The following MAPKAPK5 variants were observed in gnomAD, a reference collection of about 807,000 sequenced individuals.
MAPKAPK5 encodes the protein MAPK activated protein kinase 5.
A neutral mutation model predicts 65.1 loss-of-function variants in MAPKAPK5; 30 were observed. That is an observed-to-expected ratio of 0.46 (90% CI 0.34 to 0.63). The LOEUF (loss-of-function observed/expected upper bound fraction) is 0.63, where lower values mean the gene tolerates loss of function less well. Ranked by LOEUF, MAPKAPK5 falls within the 20% of genes least tolerant of loss-of-function variation. MAPKAPK5 has a pLI of 0.01. For synonymous variants in MAPKAPK5, 179 were observed against 204.6 expected, an observed-to-expected ratio of 0.87 and a Z score of 1.07; for missense variants, 433 against 581.4, an observed-to-expected ratio of 0.74 and a Z score of 2.63.
Position 111,902,071 on chromosome 12 carries a change from C to T in MAPKAPK5, c.*9010C>T, listed in dbSNP as rs1043400137. 3 of 152,396 alleles carry T rather than the reference C, an allele frequency of 2.0e-5. No homozygotes were observed. Among genetic ancestry groups the T allele is most frequent in the Non-Finnish European group, 4.4e-5 (3 of 68,120 alleles). The allele number at this position is 152,396 out of a possible 1,614,324, so 9.4% of individuals were successfully genotyped here. A position where few individuals can be genotyped will look rare whatever the true frequency, so the allele number is the denominator to read the frequency against. ...CATATGTACCTGAATTTATTACTAA[C>T]TCTGGGATTTTCATTTTAAGTAACA... On this transcript the variant is annotated 3_prime_UTR_variant, in exon 14 of 14. Coordinates refer to ENST00000550735, the MANE Select transcript of MAPKAPK5 (RefSeq NM_003668.4).
At position 111,898,287 on chromosome 12, in the gene MAPKAPK5, C is replaced by T. The variant is rs775676754; in HGVS notation, c.*5226C>T. Reference sequence around the variant, plus strand: ...GGGTTCAAGCGATTCTCCTGCCTCACCTTCCTGAGTAGCTGAGATTACAGG... The same window carrying T: ...GGGTTCAAGCGATTCTCCTGCCTCATCTTCCTGAGTAGCTGAGATTACAGG... On this transcript the variant is annotated 3_prime_UTR_variant, in exon 14 of 14. Coordinates refer to ENST00000550735, the MANE Select transcript of MAPKAPK5 (RefSeq NM_003668.4). 1 of 151,904 alleles carries T rather than the reference C, an allele frequency of 6.6e-6. No individual in the cohort carries two copies. Among genetic ancestry groups the T allele is most frequent in the Non-Finnish European group, 1.5e-5 (1 of 68,040 alleles). 9.4% of individuals were successfully genotyped at this position (151,904 alleles called of 1,614,324 possible).
intron 1 of MAPKAPK5, among the ~76,000 whole-genome samples, chr12:111,851,500 A>G (rs936952262): frequency 6.6e-6 from 1 of 151,328 alleles, no homozygotes. Context: ...TAATTTTTGT[A>G]TTTTTAGGAG....
chr12:111,846,439 C>G (rs192897020), intron 1 of MAPKAPK5, among the ~76,000 whole-genome samples: 61 of 152,120 alleles, frequency 4.0e-4, no homozygotes, highest in African/African-American at 1.3e-3. Context: ...ATATGGTCAA[C>G]TGCAGTCTGA....
rs1238464919 is a variant in MAPKAPK5 at position 111,842,632 on chromosome 12, G to A, written c.-102G>A. Reference sequence around the variant, plus strand: ...GGGCGGCTGCTGCCCGTCGCCACGAGGCCCAGGGGCCCGAGTGCCGAGCCC... The same window carrying A: ...GGGCGGCTGCTGCCCGTCGCCACGAAGCCCAGGGGCCCGAGTGCCGAGCCC... On this transcript the variant is annotated 5_prime_UTR_variant, in exon 1 of 14. Transcript: ENST00000550735. The A allele has an allele frequency of 2.1e-5, 17 of 812,702 alleles. No individual in the cohort carries two copies. The highest frequency in any genetic ancestry group is 2.5e-5 in the Non-Finnish European group (15 of 588,894). 50.3% of individuals were successfully genotyped at this position (812,702 alleles called of 1,614,324 possible).
chr12:111,854,328 G>A (rs1165717673), intron 1 of MAPKAPK5, among the ~76,000 whole-genome samples: 3 of 150,958 alleles, frequency 2.0e-5, no homozygotes, highest in African/African-American at 7.3e-5. Context: ...TGCAACCTCC[G>A]CCTCCCTGGT....
At position 111,896,872 on chromosome 12, in the gene MAPKAPK5, T is replaced by C. The variant is rs1403515588; in HGVS notation, c.*3811T>C. On this transcript the variant is annotated 3_prime_UTR_variant, in exon 14 of 14. Coordinates refer to ENST00000550735, the MANE Select transcript of MAPKAPK5 (RefSeq NM_003668.4). ...GGCTCAGCGTGGTGGCTCATGCCTT[T>C]AGTAATCCCAGCACTTTGGGAAGCT... is the stretch of plus-strand genomic sequence containing the variant. 1 of 152,122 alleles carries C rather than the reference T, an allele frequency of 6.6e-6. No homozygotes were observed. Among genetic ancestry groups the C allele is most frequent in the East Asian group, 1.9e-4 (1 of 5,186 alleles). 9.4% of individuals were successfully genotyped at this position (152,122 alleles called of 1,614,324 possible). A position where few individuals can be genotyped will look rare whatever the true frequency, so the allele number is the denominator to read the frequency against.
At position 111,842,298 on chromosome 12, in the gene MAPKAPK5, CG is replaced by C; in HGVS notation, c.-434del. 1 of 154,756 alleles carries C rather than the reference CG, an allele frequency of 6.5e-6. No individual in the cohort carries two copies. The highest frequency in any genetic ancestry group is 1.9e-4 in the South Asian group (1 of 5,152). The allele number at this position is 154,756 out of a possible 1,614,324, so 9.6% of individuals were successfully genotyped here. On this transcript the variant is annotated 5_prime_UTR_variant, in exon 1 of 14. It removes the in-frame stop codon of an upstream open reading frame in the 5' UTR. Coordinates refer to ENST00000550735, the MANE Select transcript of MAPKAPK5 (RefSeq NM_003668.4). The stretch of plus-strand genomic sequence containing the variant: ...CCGAGCTCTGCTTCGGCTTCGGCTT[CG>C]GCTTCGCGGCGGTGCAGGCGGCGGA...
chr12:111,858,934 G>A (rs1386660295), intron 1 of MAPKAPK5, among the ~76,000 whole-genome samples: 4 of 146,762 alleles, frequency 2.7e-5, no homozygotes, highest in South Asian at 2.3e-4. Flanking sequence ...TCTGTTTCTC[G>A]GCTGAAAATC....
Position 111,897,835 on chromosome 12 carries a change from C to T in MAPKAPK5, c.*4774C>T, listed in dbSNP as rs180938290. On this transcript the variant is annotated 3_prime_UTR_variant, in exon 14 of 14. Coordinates refer to ENST00000550735, the MANE Select transcript of MAPKAPK5 (RefSeq NM_003668.4). ...CTACCATTACATTCCTTTCTGTAGT[C>T]GTATCTCATATTTGAAAGGTCTCAT... The T allele has an allele frequency of 1.3e-5, 2 of 151,816 alleles. No individual in the cohort carries two copies. Among genetic ancestry groups the T allele is most frequent in the East Asian group, 1.9e-4 (1 of 5,178 alleles). The allele number at this position is 151,816 out of a possible 1,614,324, so 9.4% of individuals were successfully genotyped here.
intron 1 of MAPKAPK5, among the ~76,000 whole-genome samples, chr12:111,849,298 T>C (rs2339841): frequency 0.27 from 40,132 of 149,848 alleles, 6,982 homozygotes; most frequent in East Asian, 0.86. Flanking sequence ...TCTTGTTGCC[T>C]AGGCTGGAGT....
intron 9 of MAPKAPK5, among the ~76,000 whole-genome samples, chr12:111,885,238 G>T (rs1309864468): frequency 1.3e-5 from 2 of 152,160 alleles, no homozygotes. Context: ...CCTGACATTT[G>T]TAATGAGAGA....
intron 7 of MAPKAPK5, among the ~76,000 whole-genome samples, chr12:111,874,858 T>C (rs2069910702): frequency 6.7e-6 from 1 of 148,558 alleles, no homozygotes; most frequent in South Asian, 2.2e-4. Flanking sequence ...CACTGCAATC[T>C]CCGCCTCCCA....
intron 7 of MAPKAPK5, among the ~76,000 whole-genome samples, chr12:111,872,658 G>A (rs181846967): frequency 5.3e-5 from 8 of 152,272 alleles, no homozygotes; most frequent in Non-Finnish European, 1.0e-4. Context: ...TGTCAGCAGG[G>A]CTGTGTTCCT....
chr12:111,854,125 G>C (rs1398531642), intron 1 of MAPKAPK5, among the ~76,000 whole-genome samples: 1 of 151,954 alleles, frequency 6.6e-6, no homozygotes, highest in Non-Finnish European at 1.5e-5. Flanking sequence ...TGCCTTTTTC[G>C]AGTTTTGGTA....
Position 111,880,378 on chromosome 12 carries a change from C to G in MAPKAPK5, c.580-69C>G, listed in dbSNP as rs546143255. 470 of 1,253,416 alleles carry G rather than the reference C, an allele frequency of 3.7e-4. 4 individuals carry two copies. In the South Asian group the frequency reaches 5.3e-3, roughly 14 times the overall value. The allele number at this position is 1,253,416 out of a possible 1,614,324, so 77.6% of individuals were successfully genotyped here. On this transcript the variant is annotated intron_variant, in intron 7 of 13. Transcript: ENST00000550735. ...TTACCTCCTTCAGTCTCATAGTAGC[C>G]TGTCTCAAGGCAGGTTATCGGTGGT...
intron 1 of MAPKAPK5, 76 bp downstream of exon 1, chr12:111,842,845 A>G: frequency 8.1e-7 from 1 of 1,237,064 alleles, no homozygotes; most frequent in Non-Finnish European, 1.0e-6. Flanking sequence ...AAAAGCAGGG[A>G]GATTTTGCAG....
chr12:111,873,576 C>T (rs1458069286), intron 7 of MAPKAPK5, among the ~76,000 whole-genome samples: 1 of 152,106 alleles, frequency 6.6e-6, no homozygotes, highest in Non-Finnish European at 1.5e-5. Flanking sequence ...ATCTCTTGAC[C>T]TCGTGATCCG....
Position 111,895,273 on chromosome 12 carries a change from T to C in MAPKAPK5, c.*2212T>C, listed in dbSNP as rs924837516. ...GCCACCGCGCCCGGCTAATTTCTTT[T>C]TGTATTTTTAGTAGAGACAGGGTTT... On this transcript the variant is annotated 3_prime_UTR_variant, in exon 14 of 14. Transcript: ENST00000550735. 2.6e-5 allele frequency: 4 copies of C among 151,808 alleles called. No homozygotes were observed. The highest frequency in any genetic ancestry group is 9.7e-5 in the African/African-American group (4 of 41,348). The allele number at this position is 151,808 out of a possible 1,614,324, so 9.4% of individuals were successfully genotyped here. A position where few individuals can be genotyped will look rare whatever the true frequency, so the allele number is the denominator to read the frequency against.
chr12:111,860,079 A>G (rs1467862351), intron 1 of MAPKAPK5, among the ~76,000 whole-genome samples: 1 of 152,238 alleles, frequency 6.6e-6, no homozygotes, highest in Non-Finnish European at 1.5e-5. Context: ...TCAAAAGAAA[A>G]TAAAATATTT....
Sources: allele counts gnomAD v4.1 joint callset (sites outside exome capture counted in the v4.1 genomes callset), GRCh38; gene constraint gnomAD v4.1.1; transcripts MANE v1.5; gene names NCBI Gene and HGNC (gene_info 2026-07-23, HGNC 2026-07-21).